PALM2AKAP2: variants seen among roughly 807,000 people sequenced by gnomAD.
PALM2AKAP2 encodes PALM2 and AKAP2 fusion, also known as PALM2-AKAP2 fusion protein.
In PALM2AKAP2, 37 loss-of-function variants were observed where a neutral mutation model predicts 71.5. That is an observed-to-expected ratio of 0.52 (90% confidence interval 0.40 to 0.68). PALM2AKAP2 has a LOEUF of 0.68. Ranked by LOEUF, PALM2AKAP2 falls within the 30% of genes least tolerant of loss-of-function variation. The pLI, the probability that PALM2AKAP2 is intolerant of heterozygous loss-of-function variation, is 0.00. For synonymous variants in PALM2AKAP2, 468 were observed against 478.8 expected (o/e 0.98, Z 0.29); for missense variants, 1,224 against 1,191.8 (o/e 1.03, Z -0.40).
chr9:109,795,401 T>C (rs1168541295), intron 1 of PALM2AKAP2, among the ~76,000 whole-genome samples: 1 of 152,244 alleles, frequency 6.6e-6, no homozygotes, highest in Admixed American at 6.5e-5. Context: ...TTTTTTATTT[T>C]CTAGAATCCC....
At chr9:110,111,169 G>A (rs1010362957) in intron 1 of PALM2AKAP2, among the ~76,000 whole-genome samples, 1 of 128,118 alleles carries the variant, frequency 7.8e-6, no homozygotes, top group South Asian at 2.5e-4. Flanking sequence ...ACGGCTCACT[G>A]CAGTCTCAAT....
intron 1 of PALM2AKAP2, among the ~76,000 whole-genome samples, chr9:110,120,169 A>C (rs1835452252): frequency 6.6e-6 from 1 of 152,196 alleles, no homozygotes; most frequent in Non-Finnish European, 1.5e-5. Flanking sequence ...ACACATTTTC[A>C]TCACCTATAG....
chr9:109,882,765 C>T (rs2131772694), intron 3 of PALM2AKAP2, among the ~76,000 whole-genome samples: 1 of 152,094 alleles, frequency 6.6e-6, no homozygotes, highest in African/African-American at 2.4e-5. Flanking sequence ...ACCTCAGCCT[C>T]TCAAATAGCT....
chr9:109,703,628 G>A (rs1390102894), intron 1 of PALM2AKAP2, among the ~76,000 whole-genome samples: 12 of 151,826 alleles, frequency 7.9e-5, no homozygotes, highest in African/African-American at 1.9e-4. Flanking sequence ...TGGAATCACC[G>A]AGAATAACTG....
At chr9:109,947,910 T>A (rs1359405523) in intron 6 of PALM2AKAP2, among the ~76,000 whole-genome samples, 1 of 152,238 alleles carries the variant, frequency 6.6e-6, no homozygotes. Context: ...TGCTCCTCAA[T>A]TTCTTAATCA....
intron 1 of PALM2AKAP2, among the ~76,000 whole-genome samples, chr9:109,725,406 A>T (rs1192604318): frequency 2.0e-5 from 3 of 152,204 alleles, no homozygotes; most frequent in Non-Finnish European, 4.4e-5. Flanking sequence ...CACTCGTGTC[A>T]TATTAGTCCC....
At chr9:109,768,535 C>A (rs1829200941) in intron 1 of PALM2AKAP2, among the ~76,000 whole-genome samples, 1 of 152,128 alleles carries the variant, frequency 6.6e-6, no homozygotes, top group African/African-American at 2.4e-5. Flanking sequence ...TCTCTTTTAG[C>A]TATTTTGAAA....
At chr9:110,165,330 G>A (rs1339671991) in intron 3 of PALM2AKAP2, among the ~76,000 whole-genome samples, 3 of 134,808 alleles carry the variant, frequency 2.2e-5, no homozygotes, top group Non-Finnish European at 3.2e-5. Flanking sequence ...ACACACACAC[G>A]TCTGAATTAA....
At chr9:109,881,348 T>C (rs1014955725) in intron 3 of PALM2AKAP2, among the ~76,000 whole-genome samples, 1 of 152,218 alleles carries the variant, frequency 6.6e-6, no homozygotes, top group African/African-American at 2.4e-5. Context: ...TGAGTTCTTA[T>C]ATTAGCTTTC....
intron 3 of PALM2AKAP2, among the ~76,000 whole-genome samples, chr9:109,899,144 T>A (rs1043954806): frequency 1.3e-5 from 2 of 152,052 alleles, no homozygotes; most frequent in African/African-American, 4.8e-5. Context: ...CCATATCCAT[T>A]TGGATCCCCC....
At chr9:110,087,687 C>T (rs761578766) in intron 1 of PALM2AKAP2, among the ~76,000 whole-genome samples, 7 of 152,202 alleles carry the variant, frequency 4.6e-5, no homozygotes, top group Non-Finnish European at 7.3e-5. Context: ...CAAGGAAGCA[C>T]CCCGGCTAGG....
intron 3 of PALM2AKAP2, among the ~76,000 whole-genome samples, chr9:110,166,726 T>C (rs1836745065): frequency 6.6e-6 from 1 of 152,122 alleles, no homozygotes; most frequent in African/African-American, 2.4e-5. Flanking sequence ...GAGGAAGATA[T>C]GTTGAAGCTC....
At chr9:109,708,874 A>C (rs953404971) in intron 1 of PALM2AKAP2, among the ~76,000 whole-genome samples, 1 of 152,192 alleles carries the variant, frequency 6.6e-6, no homozygotes, top group East Asian at 1.9e-4. Flanking sequence ...AGCATTGGGT[A>C]GTTGAAACCT....
At chr9:109,733,607 C>A (rs1434596626) in intron 1 of PALM2AKAP2, among the ~76,000 whole-genome samples, 1 of 152,172 alleles carries the variant, frequency 6.6e-6, no homozygotes, top group Non-Finnish European at 1.5e-5. Flanking sequence ...ATTCAACCAG[C>A]CTGAGTTCCT....
chr9:109,985,402 G>A (rs1185227542), intron 6 of PALM2AKAP2, among the ~76,000 whole-genome samples: 3 of 151,710 alleles, frequency 2.0e-5, no homozygotes, highest in African/African-American at 7.3e-5. Context: ...GGCCGATCGC[G>A]AGGTCAGGAG....
intron 1 of PALM2AKAP2, among the ~76,000 whole-genome samples, chr9:110,128,940 G>A (rs1835675655): frequency 1.3e-5 from 2 of 152,262 alleles, no homozygotes; most frequent in African/African-American, 2.4e-5. Context: ...GGGCCCTGCT[G>A]TTGTGTTTTC....
intron 6 of PALM2AKAP2, among the ~76,000 whole-genome samples, chr9:109,999,659 CCA>C (rs1256923438): frequency 3.9e-5 from 6 of 152,232 alleles, no homozygotes. Flanking sequence ...CAGTTCCTGC[CCA>C]CAGGTGCTTT....
At chr9:109,858,936 G>T (rs1256063574) in intron 1 of PALM2AKAP2, among the ~76,000 whole-genome samples, 1 of 152,170 alleles carries the variant, frequency 6.6e-6, no homozygotes, top group African/African-American at 2.4e-5. Context: ...ACCGTGGGCA[G>T]ACCTTAAAAA....
At chr9:109,678,898 G>A (rs1827686370) in intron 1 of PALM2AKAP2, among the ~76,000 whole-genome samples, 2 of 152,278 alleles carry the variant, frequency 1.3e-5, no homozygotes, top group South Asian at 4.1e-4. Flanking sequence ...ATCTAAGTGT[G>A]AGATACAACG....
Sources: allele counts gnomAD v4.1 joint callset (sites outside exome capture counted in the v4.1 genomes callset), GRCh38; gene constraint gnomAD v4.1.1; transcripts MANE v1.5; gene names NCBI Gene and HGNC (gene_info 2026-07-23, HGNC 2026-07-21).